The following SMAD3 variants were observed in gnomAD, a reference collection of about 807,000 sequenced individuals.
SMAD3 encodes the protein SMAD family member 3.
SMAD3 carries 12 observed loss-of-function variants against 51.8 expected under a neutral mutation model. The observed-to-expected ratio is 0.23, with a 90% CI of 0.15 to 0.38. The LOEUF (loss-of-function observed/expected upper bound fraction) is 0.38, where lower values mean the gene tolerates loss of function less well. Among genes scored for constraint, SMAD3 ranks in the 10% least tolerant of loss-of-function variants. The probability of loss-of-function intolerance (pLI) is 1.00; values close to 1 mark genes in which losing one functional copy is unlikely to be tolerated. For synonymous variants in SMAD3, 238 were observed against 227.7 expected (o/e 1.05, Z -0.41); for missense variants, 294 against 565.6 (o/e 0.52, Z 4.87).
rs1959906993 is a variant in SMAD3 at position 67,066,100 on chromosome 15, G to C, written c.-55G>C. On this transcript the variant is annotated 5_prime_UTR_variant, in exon 1 of 9. Transcript: ENST00000327367. ...CTCCCCTCTGCGCCCCCGGCGTCCC[G>C]TCGAGCCCAGCCCCGCCGGGGGCGC... 7.0e-7 allele frequency: 1 copy of C among 1,437,410 alleles called. No individual in the cohort carries two copies. The highest frequency in any genetic ancestry group is 2.0e-5 in the Admixed American group (1 of 49,848). The allele number at this position is 1,437,410 out of a possible 1,614,324, so 89.0% of individuals were successfully genotyped here.
intron 1 of SMAD3, among the ~76,000 whole-genome samples, chr15:67,089,464 T>C (rs11629799): frequency 0.55 from 84,304 of 152,050 alleles, 23,598 homozygotes; most frequent in South Asian, 0.71. Context: ...GGTGGAGACA[T>C]GGCAAGGTGG....
intron 1 of SMAD3, among the ~76,000 whole-genome samples, chr15:67,162,183 G>C (rs551420513): frequency 1.3e-5 from 2 of 152,210 alleles, no homozygotes; most frequent in Non-Finnish European, 2.9e-5. Context: ...CTCTTTGGTT[G>C]GTGCTGTTGG....
chr15:67,078,362 T>C (rs1960215107), intron 1 of SMAD3, among the ~76,000 whole-genome samples: 2 of 152,164 alleles, frequency 1.3e-5, no homozygotes, highest in Admixed American at 6.5e-5. Context: ...CCGTCTCTGG[T>C]CAGTGTTTTC....
rs192476220 is a variant in SMAD3, at chr15:67,164,263, C to T, written c.207-632C>T. On this transcript the variant is annotated intron_variant, in intron 1 of 8. Transcript: ENST00000327367. ...CCGGGAGGCAGAGCTTGCAGTGAGC[C>T]GAGATGGCGCCACTACACTCCAGCC... is the stretch of plus-strand genomic sequence containing the variant. 4.2e-4 allele frequency among the ~76,000 whole-genome samples: 57 copies of T among 136,512 alleles called. 1 individual carries two copies. Among genetic ancestry groups the T allele is most frequent in the Admixed American group, 3.8e-3 (45 of 11,820 alleles). The allele number at this position is 136,512 out of a possible 152,430, so 89.6% of individuals were successfully genotyped here.
intron 1 of SMAD3, among the ~76,000 whole-genome samples, chr15:67,070,858 T>G (rs1960037718): frequency 6.6e-6 from 1 of 152,160 alleles, no homozygotes; most frequent in South Asian, 2.1e-4. Flanking sequence ...TTCACAGCTT[T>G]TATATCTGCA....
intron 7 of SMAD3, among the ~76,000 whole-genome samples, chr15:67,185,293 A>AC (rs1689714504): frequency 6.6e-6 from 1 of 152,212 alleles, no homozygotes; most frequent in Non-Finnish European, 1.5e-5. Context: ...AATATAAGGG[A>AC]CGGGTGCCAA....
intron 1 of SMAD3, among the ~76,000 whole-genome samples, chr15:67,119,641 C>T (rs1447018777): frequency 2.0e-5 from 3 of 152,016 alleles, no homozygotes; most frequent in Admixed American, 6.6e-5. Context: ...CGCACACACT[C>T]GGGAATGGGA....
chr15:67,098,487 G>C (rs1377817285), intron 1 of SMAD3: 1 of 240,478 alleles, frequency 4.2e-6, no homozygotes, highest in Non-Finnish European at 8.2e-6. Flanking sequence ...TCAGATGTTA[G>C]GAAGAAAAAG....
Position 67,128,210 on chromosome 15 carries a change from G to C in SMAD3, c.207-36685G>C, listed in dbSNP as rs80061710. The C allele has an allele frequency of 2.6e-5, 4 of 152,350 alleles. No homozygotes were observed. The East Asian group carries it at 5.8e-4, about 22-fold the overall frequency. The allele number at this position is 152,350 out of a possible 1,614,324, so 9.4% of individuals were successfully genotyped here. On this transcript the variant is annotated intron_variant, in intron 1 of 8. Transcript: ENST00000327367. The stretch of plus-strand genomic sequence containing the variant: ...GTTGGGGGTGGGGATGGGAAGTAGA[G>C]CATCTCTGGGGCTGGAGTTTTTCTA...
chr15:67,177,720 G>A (rs1014960312), intron 5 of SMAD3, among the ~76,000 whole-genome samples: 22 of 141,578 alleles, frequency 1.6e-4, no homozygotes, highest in African/African-American at 5.5e-4. Context: ...CACTGCATAT[G>A]GTCTGTTTTT....
chr15:67,163,944 T>TA (rs57803788), intron 1 of SMAD3, among the ~76,000 whole-genome samples: 23,306 of 87,918 alleles, frequency 0.27, 3,077 homozygotes, highest in African/African-American at 0.3. Flanking sequence ...GTATCAAAAG[T>TA]AAAAAAAAAA....
rs1219945914 is a variant in SMAD3, at chr15:67,192,193, G to A, written c.*1657G>A. 2 of 232,884 alleles carry A rather than the reference G, an allele frequency of 8.6e-6. No individual in the cohort carries two copies. The highest frequency in any genetic ancestry group is 4.4e-5 in the African/African-American group (2 of 45,290). The allele number at this position is 232,884 out of a possible 1,614,324, so 14.4% of individuals were successfully genotyped here. On this transcript the variant is annotated 3_prime_UTR_variant, in exon 9 of 9. Transcript: ENST00000327367. ...GCTCAAATGTGATGAGATTTCTGAT[G>A]TTAGAGGGAGATGGAGAGGCTTCCT...
chr15:67,141,589 C>T (rs1336731640), intron 1 of SMAD3, among the ~76,000 whole-genome samples: 3 of 152,190 alleles, frequency 2.0e-5, no homozygotes, highest in Non-Finnish European at 4.4e-5. Context: ...CCTTGTCTGG[C>T]AGTCCCTGAA....
In SMAD3 at chr15:67,095,070, C is replaced by T. The variant is rs114705109; in HGVS notation, c.206+28710C>T. 9.8e-3 allele frequency among the ~76,000 whole-genome samples: 1,493 copies of T among 152,116 alleles called. 9 individuals are homozygous for T. The highest frequency in any genetic ancestry group is 0.014 in the African/African-American group (595 of 41,506). ...GTACAAGGCATTGCTTAGTGTTTAC[C>T]ACCTTGCTGTGAGCTGGTAAATGGT... On this transcript the variant is annotated intron_variant, in intron 1 of 8. Transcript: ENST00000327367.
chr15:67,147,654 AGTGTCGT>A (rs1184438025), intron 1 of SMAD3, among the ~76,000 whole-genome samples: 2 of 152,080 alleles, frequency 1.3e-5, no homozygotes, highest in African/African-American at 4.8e-5. Flanking sequence ...CCCCCGCCCC[AGTGTCGT>A]GTCCAGGTCC....
rs533475104 is a variant in SMAD3 at position 67,072,567 on chromosome 15, C to A, written c.206+6207C>A. Among the ~76,000 whole-genome samples, 13 of 152,360 alleles carry A rather than the reference C, an allele frequency of 8.5e-5. No homozygotes were observed. In the East Asian group the frequency reaches 1.2e-3, roughly 14 times the overall value. On this transcript the variant is annotated intron_variant, in intron 1 of 8. Transcript: ENST00000327367. ...AACTTAAAGACTCCATTCCCTCCCC[C>A]AAATCCCCATCTCATAGTGTTGGTT...
rs115714141 is a variant in SMAD3 at position 67,104,618 on chromosome 15, G to A, written c.206+38258G>A. Among the ~76,000 whole-genome samples the A allele has an allele frequency of 1.0e-2, 1,521 of 152,200 alleles. 23 individuals carry two copies. The highest frequency in any genetic ancestry group is 0.033 in the African/African-American group (1,352 of 41,562). The stretch of plus-strand genomic sequence containing the variant: ...TTTTCCCATGAGTGCCCTCTGTTCC[G>A]TCAGGTGGCCGAAGACGGATAACTT... On this transcript the variant is annotated intron_variant, in intron 1 of 8. Transcript: ENST00000327367.
intron 1 of SMAD3, among the ~76,000 whole-genome samples, chr15:67,108,765 C>T (rs548658043): frequency 3.9e-5 from 6 of 152,088 alleles, no homozygotes; most frequent in African/African-American, 1.2e-4. Flanking sequence ...GCACTGGGCT[C>T]GTTCTAAAAC....
At chr15:67,155,986 C>CAA (rs35796267) in intron 1 of SMAD3, among the ~76,000 whole-genome samples, 2 of 141,360 alleles carry the variant, frequency 1.4e-5, no homozygotes, top group Non-Finnish European at 1.5e-5. Context: ...AACTCCATCT[C>CAA]AAAAAAAAAA....
Sources: gnomAD v4.1 joint callset for allele counts (sites outside exome capture counted in the v4.1 genomes callset) on GRCh38, gnomAD v4.1.1 for gene constraint, MANE v1.5 for transcripts, NCBI Gene and HGNC (gene_info 2026-07-23, HGNC 2026-07-21) for gene names.